Variants in TRIM50 observed in about 807,000 individuals in gnomAD.
TRIM50 encodes the protein E3 ubiquitin-protein ligase TRIM50.
A neutral mutation model predicts 44.9 loss-of-function variants in TRIM50; 34 were observed. The ratio of observed to expected loss-of-function variants is 0.76; its 90% confidence interval spans 0.58 to 1.01. The LOEUF (loss-of-function observed/expected upper bound fraction) is 1.01, where lower values mean the gene tolerates loss of function less well. Among genes scored for constraint, TRIM50 ranks in the 50% least tolerant of loss-of-function variants. The pLI is 0.00. For missense variants in TRIM50, 633 were observed against 663.7 expected, an observed-to-expected ratio of 0.95 and a Z score of 0.51; for synonymous variants, 307 against 291.1, an observed-to-expected ratio of 1.05 and a Z score of -0.56.
Position 73,312,834 on chromosome 7 carries a change from T to C in TRIM50, c.*87A>G. The C allele has an allele frequency of 9.4e-7, 1 of 1,066,184 alleles. No individual in the cohort carries two copies. Among genetic ancestry groups the C allele is most frequent in the Middle Eastern group, 3.1e-4 (1 of 3,236 alleles). The allele number at this position is 1,066,184 out of a possible 1,614,324, so 66.0% of individuals were successfully genotyped here. Reference sequence around the variant, plus strand: ...AAGACCTTCCTAAACAGTGACGATATCACCTCAGGCGGGACCCAGCAGAAG... The same window carrying C: ...AAGACCTTCCTAAACAGTGACGATACCACCTCAGGCGGGACCCAGCAGAAG... On this transcript the variant is annotated 3_prime_UTR_variant, in exon 7 of 7. Coordinates refer to ENST00000333149, the MANE Select transcript of TRIM50 (RefSeq NM_178125.3).
Position 73,313,765 on chromosome 7 carries a change from CAG to C in TRIM50, c.875-257_875-256del, listed in dbSNP as rs1408526213. Among the ~76,000 whole-genome samples, 1 of 152,078 alleles carries C rather than the reference CAG, an allele frequency of 6.6e-6. No individual in the cohort carries two copies. The highest frequency in any genetic ancestry group is 2.4e-5 in the African/African-American group (1 of 41,402). ...TGATTGCATCCACCCAAGGCAAAAA[CAG>C]TGTTTATATAAAAGGGAGCAGCTTG... On this transcript the variant is annotated intron_variant, in intron 6 of 6. Coordinates refer to ENST00000333149, the MANE Select transcript of TRIM50 (RefSeq NM_178125.3). This position sits in a 1 kb window ranked among gnomAD's most constrained non-coding sequence, Gnocchi z 4.9.
intron 6 of TRIM50, among the ~76,000 whole-genome samples, chr7:73,316,359 A>ACACAACTTGCC (rs1363474630): frequency 6.6e-6 from 1 of 152,194 alleles, no homozygotes; most frequent in Non-Finnish European, 1.5e-5. Flanking sequence ...CTCAGAAATG[A>ACACAACTTGCC]CACAACTTGC....
At chr7:73,314,112 G>A (rs1276224589) in intron 6 of TRIM50, 7 of 266,102 alleles carry the variant, frequency 2.6e-5, no homozygotes, top group East Asian at 1.2e-4. Flanking sequence ...CCAAGTTGCC[G>A]CAAGGAAAGA....
chr7:73,327,069 G>T (rs1248436032), intron 1 of TRIM50, among the ~76,000 whole-genome samples: 1 of 152,190 alleles, frequency 6.6e-6, no homozygotes, highest in East Asian at 1.9e-4. Flanking sequence ...GGGATTACAG[G>T]TGTGAGCCAC....
In TRIM50 at chr7:73,313,340, G is replaced by T; in HGVS notation, c.1045C>A (p.His349Asn). The T allele has an allele frequency of 4.4e-6, 7 of 1,604,258 alleles. No homozygotes were observed. Among genetic ancestry groups the T allele is most frequent in the Non-Finnish European group, 6.0e-6 (7 of 1,176,408 alleles). Residue 349 changes from histidine to asparagine, a missense_variant, in exon 7 of 7, where the codon CAC becomes AAC. Coordinates refer to ENST00000333149, the MANE Select transcript of TRIM50 (RefSeq NM_178125.3). The surrounding 1 kb of genome is among the most constrained non-coding windows in gnomAD (Gnocchi z 4.9). ...LASRGFSCGR[H>N]YWEVVVGSKS... The stretch of plus-strand genomic sequence containing the variant: ...CTGCCCACCACCACCTCCCAGTAGT[G>T]GCGGCCGCAGGAGAAGCCGCGGCTG...
Position 73,328,001 on chromosome 7 carries a change from C to A in TRIM50, c.-120G>T. On this transcript the variant is annotated 5_prime_UTR_variant, in exon 1 of 7. Coordinates refer to ENST00000333149, the MANE Select transcript of TRIM50 (RefSeq NM_178125.3). ...TCCAATTACGTGCCCCACCTAACCC[C>A]CCACGTCCGTGCCTCATCATGACCC... 1.6e-6 allele frequency: 1 copy of A among 608,534 alleles called. No homozygotes were observed. Among genetic ancestry groups the A allele is most frequent in the South Asian group, 2.0e-5 (1 of 51,054 alleles). 37.7% of individuals were successfully genotyped at this position (608,534 alleles called of 1,614,324 possible). A position where few individuals can be genotyped will look rare whatever the true frequency, so the allele number is the denominator to read the frequency against.
chr7:73,320,415 T>C (rs782056340), intron 2 of TRIM50, among the ~76,000 whole-genome samples, 173 bp from the exon 3 acceptor site: 5 of 152,146 alleles, frequency 3.3e-5, no homozygotes, highest in East Asian at 1.9e-4. Flanking sequence ...TGTTCGAGAA[T>C]AGTCTGGGCG....
chr7:73,312,680 TG>T lies in TRIM50; in HGVS notation c.*240del, dbSNP rs1415122423. 2 of 507,746 alleles carry T rather than the reference TG, an allele frequency of 3.9e-6. No individual in the cohort carries two copies. Among genetic ancestry groups the T allele is most frequent in the Non-Finnish European group, 6.9e-6 (2 of 289,136 alleles). 31.5% of individuals were successfully genotyped at this position (507,746 alleles called of 1,614,324 possible). A position where few individuals can be genotyped will look rare whatever the true frequency, so the allele number is the denominator to read the frequency against. ...CATGGTTAGCAAGTGGCAGGAACCATGGGGATTTCAGTGTGTCCCTGGCTGC... is the reference window on the plus strand; with the variant it reads ...CATGGTTAGCAAGTGGCAGGAACCATGGGATTTCAGTGTGTCCCTGGCTGC... On this transcript the variant is annotated 3_prime_UTR_variant, in exon 7 of 7. Coordinates refer to ENST00000333149, the MANE Select transcript of TRIM50 (RefSeq NM_178125.3).
intron 2 of TRIM50, among the ~76,000 whole-genome samples, chr7:73,320,495 C>T (rs113859692): frequency 5.3e-5 from 8 of 152,016 alleles, no homozygotes; most frequent in African/African-American, 9.6e-5. Flanking sequence ...GTCAGGAGTT[C>T]GAGACTAGCC....
chr7:73,316,407 C>A (rs1804359078), intron 6 of TRIM50, among the ~76,000 whole-genome samples, 158 bp downstream of exon 6: 1 of 152,192 alleles, frequency 6.6e-6, no homozygotes, highest in South Asian at 2.1e-4. Flanking sequence ...TAAGCAGGAA[C>A]CCAAGCTGTT....
At chr7:73,314,486 G>T in intron 6 of TRIM50, 1 of 386,854 alleles carries the variant, frequency 2.6e-6, no homozygotes. Flanking sequence ...CAAAGGGGAT[G>T]TCCCCACTAA....
chr7:73,319,021 C>G lies in TRIM50; in HGVS notation c.527G>C (p.Arg176Pro). 1.2e-6 allele frequency: 2 copies of G among 1,613,986 alleles called. No individual in the cohort carries two copies. Among genetic ancestry groups the G allele is most frequent in the Non-Finnish European group, 1.7e-6 (2 of 1,179,852 alleles). The part of the protein sequence containing the change: ...NESDVFSWVI[R>P]REFQELHHLV... ...GTGGTGCAGCTCCTGGAACTCGCGGCGGATCACCCAGCTGAAGACATCCGA... is the reference window on the plus strand; with the variant it reads ...GTGGTGCAGCTCCTGGAACTCGCGGGGGATCACCCAGCTGAAGACATCCGA... The change falls in exon 4 of 7, where the codon CGC becomes CCC. Residue 176 changes from arginine (R) to proline (P), a missense_variant. Transcript: ENST00000333149.
At position 73,312,738 on chromosome 7, in the gene TRIM50, C is replaced by G. The variant is rs1212940347; in HGVS notation, c.*183G>C. ...CTGGGGGCCGAAGTTTACAAATACACCCTTGGCTGAGGGGAAAGGGACTGG... is the reference window on the plus strand; with the variant it reads ...CTGGGGGCCGAAGTTTACAAATACAGCCTTGGCTGAGGGGAAAGGGACTGG... On this transcript the variant is annotated 3_prime_UTR_variant, in exon 7 of 7. Coordinates refer to ENST00000333149, the MANE Select transcript of TRIM50 (RefSeq NM_178125.3). The G allele has an allele frequency of 1.7e-6, 1 of 586,546 alleles. No individual in the cohort carries two copies. The allele number at this position is 586,546 out of a possible 1,614,324, so 36.3% of individuals were successfully genotyped here.
Position 73,312,898 on chromosome 7 carries a change from G to A in TRIM50, c.*23C>T, listed in dbSNP as rs541986117. 8.0e-6 allele frequency: 12 copies of A among 1,500,990 alleles called. No individual in the cohort carries two copies. In the Admixed American group the frequency reaches 2.5e-4, roughly 31 times the overall value. The allele number at this position is 1,500,990 out of a possible 1,614,324, so 93.0% of individuals were successfully genotyped here. On this transcript the variant is annotated 3_prime_UTR_variant, in exon 7 of 7. Transcript: ENST00000333149. ...GGTGCCCCGCCGGGATGGGCCTGTG[G>A]GCCGGCAGGACTCCGGGCGGCCCTA...
In TRIM50 at chr7:73,313,707, T is replaced by G. The variant is rs1804292325; in HGVS notation, c.875-197A>C. Among the ~76,000 whole-genome samples, 1 of 151,414 alleles carries G rather than the reference T, an allele frequency of 6.6e-6. No homozygotes were observed. Among genetic ancestry groups the G allele is most frequent in the African/African-American group, 2.4e-5 (1 of 40,974 alleles). ...ATGAATGAATGAATGAATGAATGAA[T>G]GAAGTTTTACATAAGGAAGATCAAT... On this transcript the variant is annotated intron_variant, in intron 6 of 6. Coordinates refer to ENST00000333149, the MANE Select transcript of TRIM50 (RefSeq NM_178125.3). This position sits in a 1 kb window ranked among gnomAD's most constrained non-coding sequence, Gnocchi z 4.9.
At position 73,313,224 on chromosome 7, in the gene TRIM50, G is replaced by A. The variant is rs1344150487; in HGVS notation, c.1161C>T (p.Ile387=). The change falls in exon 7 of 7, where the codon ATC becomes ATT. Residue 387 remains isoleucine (I), a synonymous_variant. Transcript: ENST00000333149. This position sits in a 1 kb window ranked among gnomAD's most constrained non-coding sequence, Gnocchi z 4.9. ...CGTACACCCGGCCCTCCTTCAGGCC[G>A]ATCAGCCACACGCCGTGCTCGGGGG... ...NRSPEHGVWL[I]GLKEGRVYEA... 5 of 1,593,544 alleles carry A rather than the reference G, an allele frequency of 3.1e-6. No individual in the cohort carries two copies. Among genetic ancestry groups the A allele is most frequent in the Admixed American group, 1.8e-5 (1 of 56,720 alleles).
intron 3 of TRIM50, among the ~76,000 whole-genome samples, chr7:73,319,440 C>T (rs1468576206): frequency 6.6e-6 from 1 of 152,090 alleles, no homozygotes; most frequent in Non-Finnish European, 1.5e-5. Flanking sequence ...ATTACAGATG[C>T]ACGCCACCAC....
In TRIM50 at chr7:73,324,788, C is replaced by G. The variant is rs1554545749; in HGVS notation, c.-1G>C. On this transcript the variant is annotated 5_prime_UTR_variant, in exon 2 of 7. Transcript: ENST00000333149. ...CTGGCAGGCTCACCTGCCAAGCCAT[C>G]CACACTCACTGCCCGGGCTGAAACA... 1.1e-5 allele frequency: 17 copies of G among 1,613,674 alleles called. No homozygotes were observed. The highest frequency in any genetic ancestry group is 5.0e-5 in the Admixed American group (3 of 59,990).
At chr7:73,320,015 G>C in intron 3 of TRIM50, 132 bp downstream of exon 3, 2 of 1,488,988 alleles carry the variant, frequency 1.3e-6, no homozygotes, top group Non-Finnish European at 1.9e-6. Flanking sequence ...TCCCCACCCC[G>C]CCCTGGGAAT....
Sources: gnomAD v4.1 joint callset for allele counts (sites outside exome capture counted in the v4.1 genomes callset) on GRCh38, gnomAD v4.1.1 for gene constraint, Gnocchi (gnomAD v3.1) non-coding constraint, MANE v1.5 for transcripts, NCBI Gene and HGNC (gene_info 2026-07-23, HGNC 2026-07-21) for gene names.